SLC24A3: variants seen among roughly 807,000 people sequenced by gnomAD.
The protein encoded by SLC24A3 is sodium/potassium/calcium exchanger 3.
Under a neutral mutation model 75.8 loss-of-function variants are expected in SLC24A3, and 28 were observed. The observed-to-expected ratio is 0.37, with a 90% CI of 0.27 to 0.51. The LOEUF is 0.51. Among genes scored for constraint, SLC24A3 ranks in the 20% least tolerant of loss-of-function variants. The pLI is 0.94. For synonymous variants in SLC24A3, 372 were observed against 334.1 expected (o/e 1.11, Z -1.24); for missense variants, 663 against 847.8 (o/e 0.78, Z 2.71).
At chr20:19,565,174 C>A (rs76599127) in intron 3 of SLC24A3, among the ~76,000 whole-genome samples, 1 of 152,290 alleles carries the variant, frequency 6.6e-6, no homozygotes, top group African/African-American at 2.4e-5. Context: ...TCCAGTAAGT[C>A]TAGGTTTAGC....
intron 2 of SLC24A3, among the ~76,000 whole-genome samples, chr20:19,282,964 T>TA (rs1400114681): frequency 6.6e-6 from 1 of 151,990 alleles, no homozygotes. Context: ...TCTAGGTAGA[T>TA]AAAAAGAACG....
rs73285729 is a variant in SLC24A3 at position 19,679,898 on chromosome 20, T to C, written c.768-1960T>C. Among the ~76,000 whole-genome samples, 1,350 of 152,220 alleles carry C rather than the reference T, an allele frequency of 8.9e-3. 25 individuals carry two copies. Among genetic ancestry groups the C allele is most frequent in the African/African-American group, 0.03 (1,250 of 41,518 alleles). On this transcript the variant is annotated intron_variant, in intron 9 of 16. Transcript: ENST00000328041. ...GTGTGTGCATTTTCCTTGCACTTTG[T>C]TCTTTAATGAAGTTTGGCTGTTTGC...
At chr20:19,411,097 C>T (rs572624683) in intron 2 of SLC24A3, among the ~76,000 whole-genome samples, 14 of 152,220 alleles carry the variant, frequency 9.2e-5, no homozygotes, top group African/African-American at 2.6e-4. Flanking sequence ...TTTTGGGCAC[C>T]GATGGCCCAT....
chr20:19,464,067 A>G (rs1987723843), intron 2 of SLC24A3, among the ~76,000 whole-genome samples: 1 of 152,236 alleles, frequency 6.6e-6, no homozygotes, highest in Admixed American at 6.5e-5. Flanking sequence ...AGTAGTTTTT[A>G]TTCACCAGTG....
chr20:19,502,185 T>G (rs991608913), intron 2 of SLC24A3, among the ~76,000 whole-genome samples: 4 of 152,100 alleles, frequency 2.6e-5, no homozygotes, highest in African/African-American at 7.2e-5. Context: ...GCAGTCTTAC[T>G]CGGTTGAGGC....
rs556701714 is a variant in SLC24A3, at chr20:19,281,008, G to A, written c.192G>A (p.Ala64=). 8.7e-6 allele frequency: 14 copies of A among 1,614,110 alleles called. No homozygotes were observed. Among genetic ancestry groups the A allele is most frequent in the African/African-American group, 2.7e-5 (2 of 75,036 alleles). The change falls in exon 2 of 17, where the codon GCG becomes GCA. Residue 64 remains alanine (A), a synonymous_variant. Coordinates refer to ENST00000328041, the MANE Select transcript of SLC24A3 (RefSeq NM_020689.4). ...LVGEDRKWMM[A]RKLMQVNDTL... ...GGGAAGACAGAAAGTGGATGATGGCGAGGAAGCTGATGCAGGTGAACGACA... is the reference window on the plus strand; with the variant it reads ...GGGAAGACAGAAAGTGGATGATGGCAAGGAAGCTGATGCAGGTGAACGACA...
intron 2 of SLC24A3, among the ~76,000 whole-genome samples, chr20:19,294,160 T>TC (rs1984008573): frequency 6.6e-6 from 1 of 151,278 alleles, no homozygotes; most frequent in African/African-American, 2.5e-5. Flanking sequence ...GAATTTTTTT[T>TC]CCAATTATTT....
Position 19,404,778 on chromosome 20 carries a change from A to G in SLC24A3, c.272-110710A>G, listed in dbSNP as rs6106074. On this transcript the variant is annotated intron_variant, in intron 2 of 16. Transcript: ENST00000328041. ...TGCAGCTCCTCACAAGAGCTTGGCC[A>G]TGGCTGAAGGACTGAAGGGGCTCTT... 7.7e-3 allele frequency among the ~76,000 whole-genome samples: 1,179 copies of G among 152,318 alleles called. 11 individuals carry two copies. The highest frequency in any genetic ancestry group is 0.027 in the African/African-American group (1,120 of 41,574).
intron 2 of SLC24A3, among the ~76,000 whole-genome samples, chr20:19,442,066 A>G (rs1987307541): frequency 6.6e-6 from 1 of 152,192 alleles, no homozygotes; most frequent in South Asian, 2.1e-4. Flanking sequence ...ATAATATTCC[A>G]TTGTCTGAAT....
intron 3 of SLC24A3, among the ~76,000 whole-genome samples, chr20:19,574,425 A>C (rs2031100086): frequency 6.6e-6 from 1 of 152,244 alleles, no homozygotes; most frequent in Admixed American, 6.5e-5. Context: ...AACTTCAGTG[A>C]CATACAATAA....
intron 12 of SLC24A3, among the ~76,000 whole-genome samples, chr20:19,685,681 G>C (rs1472193476): frequency 1.3e-5 from 2 of 152,156 alleles, no homozygotes; most frequent in Non-Finnish European, 2.9e-5. Flanking sequence ...AACGAATATT[G>C]CCAGGGAAGA....
chr20:19,347,477 A>T (rs1985453317), intron 2 of SLC24A3, among the ~76,000 whole-genome samples: 1 of 152,204 alleles, frequency 6.6e-6, no homozygotes, highest in African/African-American at 2.4e-5. Context: ...TCGGGGGAGC[A>T]TTTGGGAACT....
At chr20:19,504,373 G>T (rs1330158147) in intron 2 of SLC24A3, among the ~76,000 whole-genome samples, 1 of 152,156 alleles carries the variant, frequency 6.6e-6, no homozygotes, top group Non-Finnish European at 1.5e-5. Flanking sequence ...GAAACCTCCA[G>T]CCATTTAGCA....
At chr20:19,598,479 T>A (rs2031479336) in intron 6 of SLC24A3, among the ~76,000 whole-genome samples, 1 of 152,122 alleles carries the variant, frequency 6.6e-6, no homozygotes, top group Non-Finnish European at 1.5e-5. Context: ...ATATCTTGTG[T>A]GTGGAAGGGA....
intron 2 of SLC24A3, among the ~76,000 whole-genome samples, chr20:19,382,389 T>C (rs1986197460): frequency 6.6e-6 from 1 of 151,894 alleles, no homozygotes; most frequent in South Asian, 2.1e-4. Flanking sequence ...TTTACTGCAG[T>C]GGGAGGAAGA....
chr20:19,408,722 C>T (rs769194352), intron 2 of SLC24A3, among the ~76,000 whole-genome samples: 2 of 149,490 alleles, frequency 1.3e-5, no homozygotes, highest in Non-Finnish European at 2.9e-5. Flanking sequence ...ATCCTTGTGC[C>T]AAAATTGGTG....
chr20:19,570,496 C>T (rs965946823), intron 3 of SLC24A3, among the ~76,000 whole-genome samples: 2 of 152,074 alleles, frequency 1.3e-5, no homozygotes, highest in African/African-American at 2.4e-5. Context: ...ATCCCTGGGC[C>T]CCAACCCAGA....
At chr20:19,532,268 G>A (rs1362743762) in intron 3 of SLC24A3, among the ~76,000 whole-genome samples, 1 of 152,354 alleles carries the variant, frequency 6.6e-6, no homozygotes, top group East Asian at 1.9e-4. Context: ...CCAGCCTCAA[G>A]TCAAGCACAA....
chr20:19,644,840 G>C (rs2032116625), intron 6 of SLC24A3, among the ~76,000 whole-genome samples: 1 of 152,098 alleles, frequency 6.6e-6, no homozygotes, highest in African/African-American at 2.4e-5. Flanking sequence ...TAGAACCTCA[G>C]GGCTTCCAAC....
Sources: gnomAD v4.1 joint callset for allele counts (sites outside exome capture counted in the v4.1 genomes callset) on GRCh38, gnomAD v4.1.1 for gene constraint, MANE v1.5 for transcripts, NCBI Gene and HGNC (gene_info 2026-07-23, HGNC 2026-07-21) for gene names.